Variants in LMX1A observed in about 807,000 individuals in gnomAD.
The protein encoded by LMX1A is LIM homeobox transcription factor 1 alpha, also known as LIM homeobox transcription factor 1-alpha.
A neutral mutation model predicts 49.1 loss-of-function variants in LMX1A; 15 were observed. That is an observed-to-expected ratio of 0.31 (90% CI 0.20 to 0.47). LMX1A has a LOEUF of 0.47. Ranked by LOEUF, LMX1A falls within the 20% of genes least tolerant of loss-of-function variation. The pLI is 1.00. For missense variants in LMX1A, 372 were observed against 475.8 expected (o/e 0.78, Z 2.03); for synonymous variants, 167 against 185.7 (o/e 0.90, Z 0.82).
At chr1:165,281,957 A>G (rs1288503065) in intron 3 of LMX1A, among the ~76,000 whole-genome samples, 1 of 152,176 alleles carries the variant, frequency 6.6e-6, no homozygotes, top group East Asian at 1.9e-4. Context: ...CTTGTGATCA[A>G]TGACCCCCAG....
intron 3 of LMX1A, among the ~76,000 whole-genome samples, chr1:165,343,021 C>T: frequency 6.6e-6 from 1 of 152,114 alleles, no homozygotes; most frequent in South Asian, 2.1e-4. Flanking sequence ...CCTCTCCTTA[C>T]CTAACTTTTA....
chr1:165,203,546 C>A lies in LMX1A; in HGVS notation c.*334G>T. Reference sequence around the variant, plus strand: ...ATGGATAGACATATGCACCTCTTGACAAGAGCTTCCCCGACATGGTGGGAA... The same window carrying A: ...ATGGATAGACATATGCACCTCTTGAAAAGAGCTTCCCCGACATGGTGGGAA... On this transcript the variant is annotated 3_prime_UTR_variant, in exon 9 of 9. Transcript: ENST00000342310. 1 of 192,050 alleles carries A rather than the reference C, an allele frequency of 5.2e-6. No individual in the cohort carries two copies. The highest frequency in any genetic ancestry group is 1.1e-5 in the Non-Finnish European group (1 of 91,582). 11.9% of individuals were successfully genotyped at this position (192,050 alleles called of 1,614,324 possible). A position where few individuals can be genotyped will look rare whatever the true frequency, so the allele number is the denominator to read the frequency against.
At chr1:165,315,758 C>T (rs190106898) in intron 3 of LMX1A, among the ~76,000 whole-genome samples, 1 of 152,302 alleles carries the variant, frequency 6.6e-6, no homozygotes, top group East Asian at 1.9e-4. Context: ...GAGTCCCATC[C>T]ACCCCTGACA....
At chr1:165,236,777 T>TAA (rs148213408) in intron 4 of LMX1A, among the ~76,000 whole-genome samples, 5 of 144,548 alleles carry the variant, frequency 3.5e-5, no homozygotes, top group African/African-American at 1.3e-4. Flanking sequence ...TAGGAAGCTT[T>TAA]AAAAAAAAAA....
intron 3 of LMX1A, among the ~76,000 whole-genome samples, chr1:165,253,770 G>A (rs1653136901): frequency 6.6e-6 from 1 of 152,148 alleles, no homozygotes; most frequent in African/African-American, 2.4e-5. Flanking sequence ...CCAAGGGGTT[G>A]GAATGGCTCG....
chr1:165,248,592 C>A lies in LMX1A; in HGVS notation c.496+816G>T, dbSNP rs566803925. On this transcript the variant is annotated intron_variant, in intron 4 of 8. Coordinates refer to ENST00000342310, the MANE Select transcript of LMX1A (RefSeq NM_177398.4). The stretch of plus-strand genomic sequence containing the variant: ...TCGCCTGTCTCCTCTCTTTCGCCAA[C>A]CCTCAAGGCAGTAAGAGGGAGGGTC... Among the ~76,000 whole-genome samples the A allele has an allele frequency of 5.3e-5, 8 of 152,322 alleles. No homozygotes were observed. The South Asian group carries it at 1.7e-3, about 32-fold the overall frequency.
chr1:165,205,123 A>C (rs978568890), intron 8 of LMX1A, among the ~76,000 whole-genome samples: 1 of 152,180 alleles, frequency 6.6e-6, no homozygotes, highest in Non-Finnish European at 1.5e-5. Flanking sequence ...AGTGTAATCT[A>C]TCAGATTACA....
At chr1:165,245,511 A>G (rs1291618412) in intron 4 of LMX1A, among the ~76,000 whole-genome samples, 1 of 142,546 alleles carries the variant, frequency 7.0e-6, no homozygotes, top group African/African-American at 2.7e-5. Flanking sequence ...GAGTCTCTTT[A>G]ATTATTTATG....
Position 165,353,076 on chromosome 1 carries a change from T to C in LMX1A, c.263A>G (p.Lys88Arg). The C allele has an allele frequency of 6.2e-7, 1 of 1,614,124 alleles. No individual in the cohort carries two copies. The highest frequency in any genetic ancestry group is 8.5e-7 in the Non-Finnish European group (1 of 1,179,990). ...GCGCTGCGGGGGTGCGGCCACTTAC[T>C]TCTCGTAGTCATACTTGCAGTACAG... is the stretch of plus-strand genomic sequence containing the variant. ...KKLYCKYDYEKLFAVKCGGCF... is the reference protein window; with the variant it reads ...KKLYCKYDYERLFAVKCGGCF... Residue 88 changes from lysine (K) to arginine (R), a missense_variant and splice_region_variant, in exon 3 of 9, where the codon AAG becomes AGG. Lys to Arg is a conservative substitution (Grantham distance 26). Transcript: ENST00000342310.
chr1:165,248,465 G>A (rs1285687730), intron 4 of LMX1A, among the ~76,000 whole-genome samples: 1 of 152,102 alleles, frequency 6.6e-6, no homozygotes, highest in South Asian at 2.1e-4. Context: ...TGAGCTGTGG[G>A]GACCAACACT....
intron 3 of LMX1A, among the ~76,000 whole-genome samples, chr1:165,288,863 T>C (rs968745841): frequency 1.6e-4 from 24 of 152,226 alleles, no homozygotes; most frequent in African/African-American, 5.5e-4. Flanking sequence ...CAGTTGCATT[T>C]GAAGCAAACA....
At chr1:165,254,236 C>A (rs1467074795) in intron 3 of LMX1A, among the ~76,000 whole-genome samples, 2 of 152,214 alleles carry the variant, frequency 1.3e-5, no homozygotes, top group South Asian at 2.1e-4. Context: ...AATTTCATCC[C>A]CCACTCCAAA....
intron 3 of LMX1A, among the ~76,000 whole-genome samples, chr1:165,344,963 TCAAA>T (rs965772593): frequency 9.2e-4 from 140 of 152,282 alleles, no homozygotes; most frequent in African/African-American, 3.3e-3. Context: ...TGTCGGGTGC[TCAAA>T]CAAAGACATA....
intron 3 of LMX1A, among the ~76,000 whole-genome samples, chr1:165,346,780 G>A (rs1405105063): frequency 1.3e-5 from 2 of 152,124 alleles, no homozygotes; most frequent in Admixed American, 1.3e-4. Context: ...TCAGTAGTGT[G>A]AAAACAAACA....
rs569487971 is a variant in LMX1A, at chr1:165,289,339, C to T, written c.264-39699G>A. The stretch of plus-strand genomic sequence containing the variant: ...CTAGTTATCCCAAAGGGAGATCCTT[C>T]GTTTGCTGATATGAGCATTCTAGCA... On this transcript the variant is annotated intron_variant, in intron 3 of 8. Coordinates refer to ENST00000342310, the MANE Select transcript of LMX1A (RefSeq NM_177398.4). Among the ~76,000 whole-genome samples the T allele has an allele frequency of 4.6e-5, 7 of 152,096 alleles. No homozygotes were observed. In the East Asian group the frequency reaches 5.8e-4, roughly 13 times the overall value.
intron 3 of LMX1A, among the ~76,000 whole-genome samples, chr1:165,324,856 C>A (rs1655521618): frequency 6.6e-6 from 1 of 152,146 alleles, no homozygotes; most frequent in Non-Finnish European, 1.5e-5. Flanking sequence ...TTGATCTCAG[C>A]ATCATTTAGT....
At chr1:165,206,435 A>T (rs1221435953) in intron 7 of LMX1A, among the ~76,000 whole-genome samples, 5 of 152,116 alleles carry the variant, frequency 3.3e-5, no homozygotes, top group Non-Finnish European at 5.9e-5. Context: ...ATATCTTGCT[A>T]TGCTTGTAGA....
chr1:165,259,654 G>T (rs1478974576), intron 3 of LMX1A, among the ~76,000 whole-genome samples: 1 of 152,056 alleles, frequency 6.6e-6, no homozygotes, highest in Non-Finnish European at 1.5e-5. Context: ...AACCAAGGCC[G>T]ATAAAGGGGC....
At chr1:165,217,861 T>A (rs992135097) in intron 4 of LMX1A, among the ~76,000 whole-genome samples, 2 of 152,252 alleles carry the variant, frequency 1.3e-5, no homozygotes, top group African/African-American at 4.8e-5. Flanking sequence ...CTTCCTGCTA[T>A]TCAATATCTC....
Sources: allele counts gnomAD v4.1 joint callset (sites outside exome capture counted in the v4.1 genomes callset), GRCh38; gene constraint gnomAD v4.1.1; transcripts MANE v1.5; gene names NCBI Gene and HGNC (gene_info 2026-07-23, HGNC 2026-07-21).